Variants in GALNT11 observed in about 807,000 individuals in gnomAD.
GALNT11 encodes UDP-GalNAc:polypeptide N-acetylgalactosaminyltransferase 11.
Under a neutral mutation model 72.7 loss-of-function variants are expected in GALNT11, and 47 were observed. That is an observed-to-expected ratio of 0.65 (90% CI 0.51 to 0.82). The LOEUF is 0.82. Among genes scored for constraint, GALNT11 ranks in the 40% least tolerant of loss-of-function variants. The pLI, the probability that GALNT11 is intolerant of heterozygous loss-of-function variation, is 0.00. For missense variants in GALNT11, 677 were observed against 778.4 expected (o/e 0.87, Z 1.55); for synonymous variants, 270 against 286.6 (o/e 0.94, Z 0.58).
chr7:152,033,115 C>T (rs10239041), intron 1 of GALNT11, among the ~76,000 whole-genome samples: 6 of 152,116 alleles, frequency 3.9e-5, no homozygotes, highest in Non-Finnish European at 8.8e-5. Context: ...ACCCTCAAGT[C>T]CTGTTGTTGG....
At chr7:152,084,053 C>T (rs1274722193) in intron 1 of GALNT11, among the ~76,000 whole-genome samples, 1 of 151,998 alleles carries the variant, frequency 6.6e-6, no homozygotes, top group African/African-American at 2.4e-5. Flanking sequence ...GGAAGCTTTC[C>T]TTTAAAAAAA....
chr7:152,047,245 G>A (rs1435989529), intron 1 of GALNT11, among the ~76,000 whole-genome samples: 2 of 151,966 alleles, frequency 1.3e-5, no homozygotes, highest in Non-Finnish European at 2.9e-5. Flanking sequence ...CCGAGGCTGG[G>A]GGATCATTTG....
chr7:152,108,572 G>A (rs6464206), intron 6 of GALNT11, among the ~76,000 whole-genome samples: 15,817 of 152,212 alleles, frequency 0.1, 1,717 homozygotes, highest in African/African-American at 0.27. Context: ...GCCCCGTGTG[G>A]TGGTTGCTGT....
intron 4 of GALNT11, 50 bp from the exon 5 acceptor site, chr7:152,105,195 C>G: frequency 6.4e-7 from 1 of 1,567,946 alleles, no homozygotes; most frequent in South Asian, 1.2e-5. Context: ...TGTAAAGTGT[C>G]TTTATATATG....
chr7:152,057,211 T>C (rs2083733613), intron 1 of GALNT11, among the ~76,000 whole-genome samples: 1 of 150,780 alleles, frequency 6.6e-6, no homozygotes, highest in Non-Finnish European at 1.5e-5. Context: ...ATGAAGAAAG[T>C]AATAGATTTT....
chr7:152,117,853 A>C (rs71541740), intron 9 of GALNT11: 3 of 160,242 alleles, frequency 1.9e-5, no homozygotes, highest in African/African-American at 7.2e-5. Flanking sequence ...ACATTGATCA[A>C]CCACATTTCC....
chr7:152,106,276 T>C (rs1207787975), intron 5 of GALNT11, among the ~76,000 whole-genome samples: 7 of 152,232 alleles, frequency 4.6e-5, no homozygotes, highest in Non-Finnish European at 7.3e-5. Flanking sequence ...CAGTCCTTCC[T>C]ATATTCCACG....
intron 9 of GALNT11, chr7:152,118,374 G>A (rs2129075350): frequency 3.3e-6 from 1 of 298,682 alleles, no homozygotes; most frequent in South Asian, 3.6e-5. Context: ...TTTAGGGCAG[G>A]GATGACATTT....
In GALNT11 at chr7:152,043,772, C is replaced by G. The variant is rs188076618; in HGVS notation, c.-39+17888C>G. On this transcript the variant is annotated intron_variant, in intron 1 of 11. Coordinates refer to ENST00000430044, the MANE Select transcript of GALNT11 (RefSeq NM_022087.4). The stretch of plus-strand genomic sequence containing the variant: ...ACAGAAGGGTAGGGATGAACCTCTC[C>G]CTCCATTGCCGCTTTACCTTTAGCT... Among the ~76,000 whole-genome samples the G allele has an allele frequency of 2.1e-4, 32 of 152,250 alleles. No homozygotes were observed. In the East Asian group the frequency reaches 5.6e-3, roughly 27 times the overall value.
chr7:152,088,846 A>G (rs2085821370), intron 1 of GALNT11, among the ~76,000 whole-genome samples: 1 of 152,172 alleles, frequency 6.6e-6, no homozygotes, highest in African/African-American at 2.4e-5. Context: ...TTTCACCTGA[A>G]TTTGTAAACA....
chr7:152,100,730 A>C, intron 2 of GALNT11, 68 bp from the exon 3 acceptor site: 1 of 1,566,148 alleles, frequency 6.4e-7, no homozygotes, highest in Non-Finnish European at 8.7e-7. Context: ...TCTTAAGATC[A>C]TAATATCGTT....
chr7:152,035,596 G>A (rs1013424468), intron 1 of GALNT11, among the ~76,000 whole-genome samples: 1 of 152,180 alleles, frequency 6.6e-6, no homozygotes, highest in Non-Finnish European at 1.5e-5. Context: ...CGGAAAGCTG[G>A]TTCCAGGCAA....
chr7:152,088,996 A>G (rs1444318323), intron 1 of GALNT11, among the ~76,000 whole-genome samples: 1 of 152,212 alleles, frequency 6.6e-6, no homozygotes, highest in South Asian at 2.1e-4. Context: ...AGACAAAATC[A>G]TACCCTGAGA....
At chr7:152,041,852 G>A (rs2082876013) in intron 1 of GALNT11, among the ~76,000 whole-genome samples, 1 of 152,186 alleles carries the variant, frequency 6.6e-6, no homozygotes, top group Non-Finnish European at 1.5e-5. Context: ...ACTTTCTGTG[G>A]CACAATGGTA....
intron 9 of GALNT11, chr7:152,118,472 T>G: frequency 2.0e-6 from 1 of 497,686 alleles, no homozygotes; most frequent in Non-Finnish European, 3.5e-6. Context: ...AAACTGCTAA[T>G]AACTTTTGGA....
At chr7:152,054,572 T>C (rs2152038354) in intron 1 of GALNT11, among the ~76,000 whole-genome samples, 1 of 150,402 alleles carries the variant, frequency 6.6e-6, no homozygotes, top group Non-Finnish European at 1.5e-5. Flanking sequence ...GTGCAGTGGC[T>C]ATGGTCATGG....
intron 1 of GALNT11, among the ~76,000 whole-genome samples, chr7:152,031,345 G>T (rs574137248): frequency 6.6e-6 from 1 of 152,342 alleles, no homozygotes; most frequent in South Asian, 2.1e-4. Context: ...TGGCAGTCAT[G>T]CTCGATTGGT....
chr7:152,086,051 C>T lies in GALNT11; in HGVS notation c.-38-8139C>T, dbSNP rs200591850. 2.0e-5 allele frequency among the ~76,000 whole-genome samples: 3 copies of T among 152,076 alleles called. No individual in the cohort carries two copies. In the East Asian group the frequency reaches 5.8e-4, roughly 29 times the overall value. ...TAGAGGCACGTGCCACCATGCCCAGCTAATTTTTGTATTTTTAGTAGACAT... is the reference window on the plus strand; with the variant it reads ...TAGAGGCACGTGCCACCATGCCCAGTTAATTTTTGTATTTTTAGTAGACAT... On this transcript the variant is annotated intron_variant, in intron 1 of 11. Transcript: ENST00000430044.
rs368316409 is a variant in GALNT11, at chr7:152,042,913, G to A, written c.-39+17029G>A. Among the ~76,000 whole-genome samples the A allele has an allele frequency of 4.6e-3, 693 of 152,268 alleles. 7 individuals are homozygous for A. The highest frequency in any genetic ancestry group is 0.016 in the African/African-American group (653 of 41,546). ...AGTGGGTGGAATTGGCCACGCAGAC[G>A]GCCAGTGCTGTAGAGAAAGGATTGA... is the stretch of plus-strand genomic sequence containing the variant. On this transcript the variant is annotated intron_variant, in intron 1 of 11. Transcript: ENST00000430044.
Sources: gnomAD v4.1 joint callset for allele counts (sites outside exome capture counted in the v4.1 genomes callset) on GRCh38, gnomAD v4.1.1 for gene constraint, MANE v1.5 for transcripts, NCBI Gene and HGNC (gene_info 2026-07-23, HGNC 2026-07-21) for gene names.